The following ERCC6L2 variants were observed in gnomAD, a reference collection of about 807,000 sequenced individuals.
ERCC6L2 encodes DNA excision repair protein ERCC-6-like 2.
A neutral mutation model predicts 132.0 loss-of-function variants in ERCC6L2; 77 were observed. The observed-to-expected ratio is 0.58, with a 90% confidence interval of 0.49 to 0.71. ERCC6L2 has a LOEUF of 0.71. Ranked by LOEUF, ERCC6L2 falls within the 30% of genes least tolerant of loss-of-function variation. ERCC6L2 has a pLI of 0.00. For synonymous variants in ERCC6L2, 583 were observed against 632.4 expected (o/e 0.92, Z 1.17); for missense variants, 1,542 against 1,837.6 (o/e 0.84, Z 2.94).
chr9:95,913,982 C>G (rs1829461603), intron 4 of ERCC6L2, among the ~76,000 whole-genome samples: 1 of 152,138 alleles, frequency 6.6e-6, no homozygotes, highest in African/African-American at 2.4e-5. Context: ...GTCTTTGCAC[C>G]TAAGTTTTCA....
Position 95,915,747 on chromosome 9 carries a change from G to A in ERCC6L2, c.868G>A (p.Ala290Thr), listed in dbSNP as rs1368813883. The change falls in exon 5 of 19, where the codon GCT (alanine) becomes ACT (threonine). Residue 290 changes from alanine (A) to threonine (T), a missense_variant. Transcript: ENST00000653738. ...AGCTAGAGTAACAGAAGTTATGAAA[G>A]CTTTGAAATGTAATGTCCGCATTGG... is the stretch of plus-strand genomic sequence containing the variant. The part of the protein sequence containing the change: ...PKARVTEVMK[A>T]LKCNVRIGLT... The A allele has an allele frequency of 1.2e-6, 2 of 1,613,878 alleles. No homozygotes were observed. Among genetic ancestry groups the A allele is most frequent in the African/African-American group, 2.7e-5 (2 of 74,924 alleles).
At chr9:95,943,921 A>G (rs1017407785) in intron 12 of ERCC6L2, among the ~76,000 whole-genome samples, 12 of 152,228 alleles carry the variant, frequency 7.9e-5, no homozygotes, top group Non-Finnish European at 1.6e-4. Context: ...GTTGATGGAA[A>G]TGTCAAGTGG....
Position 95,875,909 on chromosome 9 carries a change from G to T in ERCC6L2, c.-130G>T. The T allele has an allele frequency of 4.0e-6, 4 of 997,564 alleles. No homozygotes were observed. Among genetic ancestry groups the T allele is most frequent in the Non-Finnish European group, 6.0e-6 (4 of 669,002 alleles). 61.8% of individuals were successfully genotyped at this position (997,564 alleles called of 1,614,324 possible). On this transcript the variant is annotated 5_prime_UTR_variant, in exon 1 of 19. Coordinates refer to ENST00000653738, the MANE Select transcript of ERCC6L2 (RefSeq NM_020207.7). ...CTCCATCCTGTGGCTTCGGGTTGCC[G>T]AAGAGCGATGCTCGGAGGGCGGCCG...
At position 96,015,976 on chromosome 9, in the gene ERCC6L2, C is replaced by T. The variant is rs1588060275; in HGVS notation, c.*2773C>T. On this transcript the variant is annotated 3_prime_UTR_variant, in exon 19 of 19. Coordinates refer to ENST00000653738, the MANE Select transcript of ERCC6L2 (RefSeq NM_020207.7). ...AAAGGAGCCTGTTTCAGAACGGAAA[C>T]TGTCAGGTGGAGTGGACTCCCTGCA... Among the ~76,000 whole-genome samples, 1 of 152,252 alleles carries T rather than the reference C, an allele frequency of 6.6e-6. No homozygotes were observed. The highest frequency in any genetic ancestry group is 1.9e-4 in the East Asian group (1 of 5,180).
chr9:95,903,729 T>C (rs1318984001), intron 3 of ERCC6L2, among the ~76,000 whole-genome samples: 4 of 152,052 alleles, frequency 2.6e-5, no homozygotes, highest in Non-Finnish European at 5.9e-5. Flanking sequence ...CAGAGGACAG[T>C]GACAGTAGAG....
At chr9:95,931,618 C>A (rs994908628) in intron 11 of ERCC6L2, among the ~76,000 whole-genome samples, 1 of 152,148 alleles carries the variant, frequency 6.6e-6, no homozygotes, top group Non-Finnish European at 1.5e-5. Flanking sequence ...AATTGAAAAT[C>A]ATTTCCTCTT....
At chr9:95,942,434 A>G (rs1011185353) in intron 12 of ERCC6L2, among the ~76,000 whole-genome samples, 2 of 152,190 alleles carry the variant, frequency 1.3e-5, no homozygotes, top group African/African-American at 4.8e-5. Flanking sequence ...GTACATAAAA[A>G]AACAAATTAG....
intron 1 of ERCC6L2, among the ~76,000 whole-genome samples, chr9:95,880,528 A>G (rs928235575): frequency 6.6e-6 from 1 of 152,164 alleles, no homozygotes; most frequent in Non-Finnish European, 1.5e-5. Flanking sequence ...TAACAACCAA[A>G]CAAAACAATA....
At chr9:95,925,302 C>T (rs1358925775) in intron 9 of ERCC6L2, among the ~76,000 whole-genome samples, 1 of 152,094 alleles carries the variant, frequency 6.6e-6, no homozygotes, top group Non-Finnish European at 1.5e-5. Flanking sequence ...TGAGAAATGC[C>T]GCAGAGCCAC....
rs373670619 is a variant in ERCC6L2, at chr9:95,907,826, TAC to T, written c.788+584_788+585del. 5.7e-3 allele frequency among the ~76,000 whole-genome samples: 233 copies of T among 40,650 alleles called. 1 individual carries two copies. Among genetic ancestry groups the T allele is most frequent in the South Asian group, 0.032 (32 of 1,014 alleles). The allele number at this position is 40,650 out of a possible 152,430, so 26.7% of individuals were successfully genotyped here. ...GTTGTGAATATAGAGGGGCAAAAACTACACACACACACACACACACACACACA... is the reference window on the plus strand; with the variant it reads ...GTTGTGAATATAGAGGGGCAAAAACTACACACACACACACACACACACACA... On this transcript the variant is annotated intron_variant, in intron 4 of 18. Transcript: ENST00000653738.
intron 19 of ERCC6L2, among the ~76,000 whole-genome samples, chr9:96,023,999 T>C (rs1834329516): frequency 6.6e-6 from 1 of 152,218 alleles, no homozygotes. Context: ...GTGAGAAGTG[T>C]CAGTATCAGC....
chr9:95,926,630 A>G, intron 9 of ERCC6L2, among the ~76,000 whole-genome samples: 1 of 152,122 alleles, frequency 6.6e-6, no homozygotes, highest in East Asian at 1.9e-4. Context: ...CTGGGGGAGG[A>G]AAGAATGAGT....
chr9:95,893,925 G>A (rs75719657), intron 2 of ERCC6L2, among the ~76,000 whole-genome samples: 4,601 of 152,134 alleles, frequency 0.03, 95 homozygotes, highest in East Asian at 0.13. Context: ...TAGATTCTTT[G>A]ATAACTGATT....
At chr9:95,988,837 A>G (rs1047675163) in intron 17 of ERCC6L2, among the ~76,000 whole-genome samples, 2 of 152,170 alleles carry the variant, frequency 1.3e-5, no homozygotes, top group African/African-American at 2.4e-5. Context: ...AACAGGTTGA[A>G]CACTCAGTCC....
intron 17 of ERCC6L2, among the ~76,000 whole-genome samples, chr9:95,998,402 G>A (rs1833543494): frequency 6.6e-6 from 1 of 152,232 alleles, no homozygotes; most frequent in Non-Finnish European, 1.5e-5. Flanking sequence ...GGTTGTAGAT[G>A]CAATTAAGGT....
chr9:95,888,083 T>C (rs1358639694), intron 2 of ERCC6L2, among the ~76,000 whole-genome samples: 10 of 151,850 alleles, frequency 6.6e-5, no homozygotes, highest in African/African-American at 9.7e-5. Flanking sequence ...TTTTTTTTTT[T>C]CAAAGCGAGC....
At chr9:95,944,340 A>G (rs1830949558) in intron 12 of ERCC6L2, among the ~76,000 whole-genome samples, 1 of 152,224 alleles carries the variant, frequency 6.6e-6, no homozygotes, top group African/African-American at 2.4e-5. Flanking sequence ...ATAGAGATAG[A>G]AAGTAGAATG....
chr9:95,932,049 CTTA>C (rs1326665363), intron 11 of ERCC6L2, among the ~76,000 whole-genome samples: 1 of 150,462 alleles, frequency 6.6e-6, no homozygotes, highest in African/African-American at 2.4e-5. Context: ...ATTTTTCGAT[CTTA>C]TTATTTTGTT....
rs1337996298 is a variant in ERCC6L2 at position 95,921,250 on chromosome 9, A to T, written c.1234A>T (p.Ile412Leu). The T allele has an allele frequency of 1.2e-6, 2 of 1,613,594 alleles. No individual in the cohort carries two copies. The highest frequency in any genetic ancestry group is 1.3e-5 in the African/African-American group (1 of 74,924). Residue 412 changes from isoleucine to leucine, a missense_variant, in exon 7 of 19, where the codon ATA becomes TTA. Ile to Leu is a conservative substitution (Grantham distance 5). Around this residue, in one of 4 missense-constraint regions of ERCC6L2, gnomAD observed 945 missense variants for 1,105.2 expected, o/e 0.86. Coordinates refer to ENST00000653738, the MANE Select transcript of ERCC6L2 (RefSeq NM_020207.7). ...TVLETEDVTL[I>L]LQSSEPCTCR... Reference sequence around the variant, plus strand: ...GTTAGAAACAGAGGACGTGACTTTGATACTTCAATCTTCTGAGCCTTGTAC... The same window carrying T: ...GTTAGAAACAGAGGACGTGACTTTGTTACTTCAATCTTCTGAGCCTTGTAC...
Sources: allele counts gnomAD v4.1 joint callset (sites outside exome capture counted in the v4.1 genomes callset), GRCh38; gene constraint gnomAD v4.1.1; regional missense constraint gnomAD v4.1.1; transcripts MANE v1.5; gene names NCBI Gene and HGNC (gene_info 2026-07-23, HGNC 2026-07-21).